The following DEPDC1B variants were observed in gnomAD, a reference collection of about 807,000 sequenced individuals.
DEPDC1B encodes DEP domain containing 1B.
Under a neutral mutation model 66.5 loss-of-function variants are expected in DEPDC1B, and 51 were observed. The ratio of observed to expected loss-of-function variants is 0.77; its 90% CI spans 0.61 to 0.97. The LOEUF (loss-of-function observed/expected upper bound fraction) is 0.97. DEPDC1B is among the 50% of genes least tolerant of loss of function. DEPDC1B has a pLI of 0.00. For missense variants in DEPDC1B, 552 were observed against 637.1 expected (o/e 0.87, Z 1.44); for synonymous variants, 226 against 223.6 (o/e 1.01, Z -0.10).
At chr5:60,617,853 C>T (rs1405427608) in intron 7 of DEPDC1B, among the ~76,000 whole-genome samples, 1 of 152,202 alleles carries the variant, frequency 6.6e-6, no homozygotes, top group Non-Finnish European at 1.5e-5. Context: ...CAGCACCACA[C>T]CACTCCTATT....
chr5:60,640,466 C>G (rs1420749563), intron 6 of DEPDC1B, among the ~76,000 whole-genome samples: 2 of 152,176 alleles, frequency 1.3e-5, no homozygotes, highest in African/African-American at 2.4e-5. Flanking sequence ...TTTTCTTTCT[C>G]AGTCATCTTG....
At chr5:60,687,884 G>T in intron 1 of DEPDC1B, 1 of 170,302 alleles carries the variant, frequency 5.9e-6, no homozygotes, top group Non-Finnish European at 1.3e-5. Flanking sequence ...GCTTTTCAAG[G>T]GTGGTTCATC....
Position 60,700,064 on chromosome 5 carries a change from C to T in DEPDC1B, c.30G>A (p.Pro10=), listed in dbSNP as rs1754752317. MEHRIVGPG[P]YRATRLWNET... is the part of the protein sequence containing the mutation. ...CACTCACCAGCCTGGTAGCTCGGTA[C>T]GGCCCGGGCCCCACGATGCGATGCT... Residue 10 remains proline, a synonymous_variant, in exon 1 of 11, where the codon CCG becomes CCA. Transcript: ENST00000265036. 6.4e-7 allele frequency: 1 copy of T among 1,558,036 alleles called. No homozygotes were observed.
chr5:60,677,714 C>T (rs562864158), intron 2 of DEPDC1B, among the ~76,000 whole-genome samples: 3 of 152,098 alleles, frequency 2.0e-5, no homozygotes, highest in South Asian at 4.2e-4. Context: ...AAACTTTTAA[C>T]TTTTTGTAAA....
At chr5:60,661,412 C>T (rs1753712669) in intron 2 of DEPDC1B, among the ~76,000 whole-genome samples, 3 of 152,132 alleles carry the variant, frequency 2.0e-5, no homozygotes, top group South Asian at 2.1e-4. Flanking sequence ...CTATGCTCGT[C>T]GGAAAAAGAC....
At chr5:60,619,675 G>C (rs1233273029) in intron 7 of DEPDC1B, among the ~76,000 whole-genome samples, 8 of 152,176 alleles carry the variant, frequency 5.3e-5, no homozygotes, top group Non-Finnish European at 5.9e-5. Context: ...CCATGCTCAT[G>C]GGTAGGAAGA....
chr5:60,642,126 A>G (rs1434301930), intron 6 of DEPDC1B, among the ~76,000 whole-genome samples: 2 of 152,192 alleles, frequency 1.3e-5, no homozygotes, highest in Admixed American at 1.3e-4. Context: ...CTATATCTGT[A>G]GTGCTAGTTC....
chr5:60,628,465 T>A (rs1247632448), intron 7 of DEPDC1B: 8 of 151,828 alleles, frequency 5.3e-5, no homozygotes, highest in Non-Finnish European at 1.2e-4. Context: ...CTCAGAAGAG[T>A]TAATTGTAGT....
rs567020910 is a variant in DEPDC1B at position 60,674,840 on chromosome 5, T to C, written c.314+12122A>G. Reference sequence around the variant, plus strand: ...TAGAACACAAAATCAATTGGACAGCTGGAGAAACAAGATGGGGGTGGCGGA... The same window carrying C: ...TAGAACACAAAATCAATTGGACAGCCGGAGAAACAAGATGGGGGTGGCGGA... On this transcript the variant is annotated intron_variant, in intron 2 of 10. Coordinates refer to ENST00000265036, the MANE Select transcript of DEPDC1B (RefSeq NM_018369.3). Among the ~76,000 whole-genome samples the C allele has an allele frequency of 3.3e-5, 5 of 152,144 alleles. No individual in the cohort carries two copies. The South Asian group carries it at 1.0e-3, about 32-fold the overall frequency.
chr5:60,677,955 C>T (rs1234477264), intron 2 of DEPDC1B, among the ~76,000 whole-genome samples: 1 of 152,094 alleles, frequency 6.6e-6, no homozygotes, highest in Non-Finnish European at 1.5e-5. Context: ...GTATCTAAAA[C>T]GGGTCCAAAA....
intron 2 of DEPDC1B, among the ~76,000 whole-genome samples, chr5:60,673,590 T>C (rs1233290901): frequency 6.6e-6 from 1 of 152,162 alleles, no homozygotes; most frequent in African/African-American, 2.4e-5. Flanking sequence ...ACAGGAAACA[T>C]TTGGTGGGCC....
chr5:60,679,429 T>C (rs576368636), intron 2 of DEPDC1B, among the ~76,000 whole-genome samples: 133 of 151,896 alleles, frequency 8.8e-4, no homozygotes, highest in African/African-American at 3.1e-3. Context: ...TTAAAATCAG[T>C]ATTTTGAAAA....
At chr5:60,686,857 A>C (rs1379169995) in intron 2 of DEPDC1B, 105 bp downstream of exon 2, 4 of 1,390,708 alleles carry the variant, frequency 2.9e-6, no homozygotes, top group Non-Finnish European at 4.0e-6. Flanking sequence ...CCCACTGTTC[A>C]GTGAACAAGG....
chr5:60,695,239 G>A (rs188340316), intron 1 of DEPDC1B, among the ~76,000 whole-genome samples: 9 of 152,182 alleles, frequency 5.9e-5, no homozygotes, highest in Non-Finnish European at 1.3e-4. Context: ...ATCAGCTTAC[G>A]GTTCTGCAGA....
At chr5:60,675,280 T>G (rs1754129047) in intron 2 of DEPDC1B, among the ~76,000 whole-genome samples, 1 of 151,742 alleles carries the variant, frequency 6.6e-6, no homozygotes, top group African/African-American at 2.4e-5. Context: ...AAGAAATGCC[T>G]GGCAGCAACC....
chr5:60,604,320 A>G (rs1056986899), intron 8 of DEPDC1B, among the ~76,000 whole-genome samples: 1 of 141,306 alleles, frequency 7.1e-6, no homozygotes, highest in Non-Finnish European at 1.5e-5. Flanking sequence ...TCCCAGGTTC[A>G]AGCAATTCTC....
chr5:60,654,104 A>C (rs1294026554), intron 2 of DEPDC1B, among the ~76,000 whole-genome samples: 1 of 149,154 alleles, frequency 6.7e-6, no homozygotes, highest in Non-Finnish European at 1.5e-5. Context: ...TTTTGGTTAC[A>C]CATAAATTTT....
Position 60,663,239 on chromosome 5 carries a change from C to T in DEPDC1B, c.315-15706G>A, listed in dbSNP as rs187215550. 6.9e-4 allele frequency among the ~76,000 whole-genome samples: 105 copies of T among 152,252 alleles called. No homozygotes were observed. In the South Asian group the frequency reaches 8.1e-3, roughly 12 times the overall value. ...CCCGTTCAAGTTAAACTAAAGGGTTCCACCTCCGTTCCCTACCAAAGGCAT... is the reference window on the plus strand; with the variant it reads ...CCCGTTCAAGTTAAACTAAAGGGTTTCACCTCCGTTCCCTACCAAAGGCAT... On this transcript the variant is annotated intron_variant, in intron 2 of 10. Coordinates refer to ENST00000265036, the MANE Select transcript of DEPDC1B (RefSeq NM_018369.3).
At chr5:60,628,584 A>G (rs745335845) in intron 7 of DEPDC1B, 3 of 152,224 alleles carry the variant, frequency 2.0e-5, no homozygotes, top group East Asian at 1.9e-4. Flanking sequence ...CTACACATCA[A>G]TTAGTAAAAA....
Sources: gnomAD v4.1 joint callset for allele counts (sites outside exome capture counted in the v4.1 genomes callset) on GRCh38, gnomAD v4.1.1 for gene constraint, MANE v1.5 for transcripts, NCBI Gene and HGNC (gene_info 2026-07-23, HGNC 2026-07-21) for gene names.